The following ROCK2 variants were observed in gnomAD, a reference collection of about 807,000 sequenced individuals.
The protein encoded by ROCK2 is rho-associated protein kinase 2.
ROCK2 carries 61 observed loss-of-function variants against 195.1 expected under a neutral mutation model. That is an observed-to-expected ratio of 0.31 (90% CI 0.25 to 0.39). The LOEUF (loss-of-function observed/expected upper bound fraction) is 0.39, where lower values mean the gene tolerates loss of function less well. Ranked by LOEUF, ROCK2 falls within the 10% of genes least tolerant of loss-of-function variation. ROCK2 has a pLI of 1.00. For synonymous variants in ROCK2, 504 were observed against 545.5 expected, an observed-to-expected ratio of 0.92 and a Z score of 1.06; for missense variants, 1,109 against 1,637.4, an observed-to-expected ratio of 0.68 and a Z score of 5.57.
rs969776975 is a variant in ROCK2 at position 11,197,526 on chromosome 2, T to C, written c.3279A>G (p.Ala1093=). Residue 1093 remains alanine, a splice_region_variant and synonymous_variant, in exon 26 of 33, where the codon GCA becomes GCG. Transcript: ENST00000315872. This position sits in a 1 kb window ranked among gnomAD's most constrained non-coding sequence, Gnocchi z 4.9. ...TCTAGAGTCCAAAAAGTATTCTTAC[T>C]GCCTGCATTTCATTCAGTTCTTTCT... The part of the protein sequence containing the change: ...KYQKELNEMQ[A]QIAEESQIRI... 3 of 1,610,304 alleles carry C rather than the reference T, an allele frequency of 1.9e-6. No homozygotes were observed. The African/African-American group carries it at 4.0e-5, about 22-fold the overall frequency.
intron 32 of ROCK2, among the ~76,000 whole-genome samples, chr2:11,187,674 T>C (rs2148022551): frequency 6.6e-6 from 1 of 152,334 alleles, no homozygotes; most frequent in East Asian, 1.9e-4. Flanking sequence ...CTCATATATT[T>C]TGGAAATACA....
rs1664388051 is a variant in ROCK2, at chr2:11,215,317, C to T, written c.1689+4G>A. The T allele has an allele frequency of 6.3e-7, 1 of 1,582,982 alleles. No individual in the cohort carries two copies. The highest frequency in any genetic ancestry group is 8.6e-7 in the Non-Finnish European group (1 of 1,164,006). On this transcript the variant is annotated splice_donor_region_variant and intron_variant, in intron 15 of 32. Coordinates refer to ENST00000315872, the MANE Select transcript of ROCK2 (RefSeq NM_004850.5). ...TATCTTTACTACAAATTAGATCCACCTACTTGTCTCTGGAGTTGATTCACT... is the reference window on the plus strand; with the variant it reads ...TATCTTTACTACAAATTAGATCCACTTACTTGTCTCTGGAGTTGATTCACT...
At chr2:11,185,995 A>T (rs1395703837) in intron 32 of ROCK2, among the ~76,000 whole-genome samples, 1 of 152,180 alleles carries the variant, frequency 6.6e-6, no homozygotes, top group Non-Finnish European at 1.5e-5. Flanking sequence ...GGGCCCAAAT[A>T]TTTGCATTTT....
intron 1 of ROCK2, among the ~76,000 whole-genome samples, chr2:11,321,423 G>A (rs750902560): frequency 1.4e-4 from 21 of 151,326 alleles, no homozygotes; most frequent in Admixed American, 7.9e-4. Context: ...TGATCCATCC[G>A]CCTCAGCCTC....
chr2:11,253,681 G>A (rs1261201123), intron 3 of ROCK2, among the ~76,000 whole-genome samples: 1 of 152,162 alleles, frequency 6.6e-6, no homozygotes, highest in East Asian at 1.9e-4. Context: ...TGCCAGCAAT[G>A]GCAATAAAAC....
intron 6 of ROCK2, among the ~76,000 whole-genome samples, chr2:11,224,808 T>A (rs572919437): frequency 6.6e-6 from 1 of 152,036 alleles, no homozygotes; most frequent in Admixed American, 6.6e-5. Flanking sequence ...TCAGTCAGGG[T>A]CCTTTAATGC....
intron 1 of ROCK2, among the ~76,000 whole-genome samples, chr2:11,323,671 T>C (rs531063979): frequency 6.6e-6 from 1 of 152,268 alleles, no homozygotes; most frequent in South Asian, 2.1e-4. Context: ...AAAGAACATG[T>C]TTTTTAAAAG....
At position 11,282,697 on chromosome 2, in the gene ROCK2, T is replaced by C. The variant is rs375280370; in HGVS notation, c.324+3842A>G. On this transcript the variant is annotated intron_variant, in intron 3 of 32. Transcript: ENST00000315872. ...TAAATTATCTTGATTAGAGCAATGG[T>C]TTTTTAGATATAGCACCAAAGACAT... Among the ~76,000 whole-genome samples, 8 of 150,428 alleles carry C rather than the reference T, an allele frequency of 5.3e-5. No individual in the cohort carries two copies. The South Asian group carries it at 1.7e-3, about 32-fold the overall frequency.
At position 11,217,139 on chromosome 2, in the gene ROCK2, G is replaced by A; in HGVS notation, c.1363C>T (p.His455Tyr). Reference sequence around the variant, plus strand: ...TTGGCTTGCATCTCATTGCTAAGATGTTCTTCTAATGTATACAGTTTTTTC... The same window carrying A: ...TTGGCTTGCATCTCATTGCTAAGATATTCTTCTAATGTATACAGTTTTTTC... Reference protein sequence around the residue: ...IQKKLYTLEEHLSNEMQAKEE... With the variant: ...IQKKLYTLEEYLSNEMQAKEE... The change falls in exon 12 of 33, where the codon CAT (histidine) becomes TAT (tyrosine). Residue 455 changes from histidine (H) to tyrosine (Y), a missense_variant. Transcript: ENST00000315872. The A allele has an allele frequency of 6.4e-7, 1 of 1,573,326 alleles. No homozygotes were observed. The highest frequency in any genetic ancestry group is 8.7e-7 in the Non-Finnish European group (1 of 1,143,412).
intron 1 of ROCK2, among the ~76,000 whole-genome samples, chr2:11,320,601 A>C (rs899798494): frequency 6.6e-6 from 1 of 152,238 alleles, no homozygotes; most frequent in African/African-American, 2.4e-5. Flanking sequence ...ATGGGTTTAC[A>C]TTTAATGCTT....
intron 1 of ROCK2, among the ~76,000 whole-genome samples, chr2:11,337,774 C>T (rs191036428): frequency 7.6e-4 from 116 of 152,082 alleles, no homozygotes; most frequent in Admixed American, 3.9e-3. Flanking sequence ...GCTGGGATTA[C>T]AGGTGCGTGC....
intron 27 of ROCK2, among the ~76,000 whole-genome samples, chr2:11,195,581 C>T (rs756707379): frequency 9.2e-5 from 14 of 152,092 alleles, no homozygotes; most frequent in Non-Finnish European, 1.8e-4. Context: ...GTGGCGTAAT[C>T]TTGGCTCACT....
intron 3 of ROCK2, among the ~76,000 whole-genome samples, chr2:11,283,935 A>T (rs1395535781): frequency 6.6e-6 from 1 of 152,224 alleles, no homozygotes; most frequent in Admixed American, 6.5e-5. Context: ...CTGAAAATTT[A>T]TGTCTACACA....
chr2:11,256,739 G>C (rs1430167919), intron 3 of ROCK2, among the ~76,000 whole-genome samples: 1 of 151,164 alleles, frequency 6.6e-6, no homozygotes, highest in East Asian at 1.9e-4. Context: ...TAAGAGATAA[G>C]GTAATTTAGA....
rs1446427459 is a variant in ROCK2 at position 11,317,589 on chromosome 2, TATATATATATATATATA to T, written c.141+26390_141+26406del. 2.5e-3 allele frequency among the ~76,000 whole-genome samples: 33 copies of T among 13,302 alleles called. 2 individuals carry two copies. Among genetic ancestry groups the T allele is most frequent in the Admixed American group, 0.011 (15 of 1,352 alleles). 8.7% of individuals were successfully genotyped at this position (13,302 alleles called of 152,430 possible). A position where few individuals can be genotyped will look rare whatever the true frequency, so the allele number is the denominator to read the frequency against. On this transcript the variant is annotated intron_variant, in intron 1 of 32. Coordinates refer to ENST00000315872, the MANE Select transcript of ROCK2 (RefSeq NM_004850.5). Reference sequence around the variant, plus strand: ...TGATCTACACATTTATATATATATATATATATATATATATATATATATATTTTTTTTTTTTTTTAATT... The same window carrying T: ...TGATCTACACATTTATATATATATATTATATATTTTTTTTTTTTTTTAATT...
intron 1 of ROCK2, among the ~76,000 whole-genome samples, chr2:11,316,072 C>T (rs1191869129): frequency 1.3e-5 from 2 of 152,054 alleles, no homozygotes; most frequent in East Asian, 3.9e-4. Context: ...TGGATATACC[C>T]TAAGAAAGCT....
In ROCK2 at chr2:11,340,229, C is replaced by T. The variant is rs572711145; in HGVS notation, c.141+3767G>A. On this transcript the variant is annotated intron_variant, in intron 1 of 32. Coordinates refer to ENST00000315872, the MANE Select transcript of ROCK2 (RefSeq NM_004850.5). The stretch of plus-strand genomic sequence containing the variant: ...TGCTCTTGAAAATCTGGGCAACACC[C>T]TGAAATCAAATACATTCATATTCCT... Among the ~76,000 whole-genome samples the T allele has an allele frequency of 1.2e-4, 18 of 152,296 alleles. No homozygotes were observed. In the East Asian group the frequency reaches 2.9e-3, roughly 24 times the overall value.
chr2:11,327,424 A>T (rs1668582302), intron 1 of ROCK2, among the ~76,000 whole-genome samples: 1 of 152,178 alleles, frequency 6.6e-6, no homozygotes, highest in Non-Finnish European at 1.5e-5. Flanking sequence ...ACAACTGGAG[A>T]TGATGAAATT....
At chr2:11,295,695 G>A (rs1199977297) in intron 1 of ROCK2, among the ~76,000 whole-genome samples, 1 of 152,092 alleles carries the variant, frequency 6.6e-6, no homozygotes, top group Non-Finnish European at 1.5e-5. Flanking sequence ...GATGGCTCAC[G>A]CCTGTAATCC....
Sources: allele counts gnomAD v4.1 joint callset (sites outside exome capture counted in the v4.1 genomes callset), GRCh38; gene constraint gnomAD v4.1.1; non-coding constraint Gnocchi (gnomAD v3.1); transcripts MANE v1.5; gene names NCBI Gene and HGNC (gene_info 2026-07-23, HGNC 2026-07-21).